The following KCTD8 variants were observed in gnomAD, a reference collection of about 807,000 sequenced individuals.
KCTD8 encodes BTB/POZ domain-containing protein KCTD8.
A neutral mutation model predicts 31.5 loss-of-function variants in KCTD8; 27 were observed. The observed-to-expected ratio is 0.86, with a 90% CI of 0.63 to 1.18. The LOEUF is 1.18. Among genes scored for constraint, KCTD8 ranks in the 50% most tolerant of loss-of-function variants. KCTD8 has a pLI of 0.00. For synonymous variants in KCTD8, 290 were observed against 280.0 expected (o/e 1.04, Z -0.36); for missense variants, 658 against 647.7 (o/e 1.02, Z -0.17).
At chr4:44,346,515 C>T (rs1440777288) in intron 1 of KCTD8, among the ~76,000 whole-genome samples, 2 of 152,046 alleles carry the variant, frequency 1.3e-5, no homozygotes, top group African/African-American at 2.4e-5. Context: ...TACAACTATA[C>T]CACATGGTTA....
At chr4:44,229,454 T>A (rs1200037944) in intron 1 of KCTD8, among the ~76,000 whole-genome samples, 1 of 152,168 alleles carries the variant, frequency 6.6e-6, no homozygotes, top group Admixed American at 6.5e-5. Context: ...AAGCCTCAGA[T>A]GGGCATGGGT....
chr4:44,375,821 TCTTTA>T (rs747619016), intron 1 of KCTD8, among the ~76,000 whole-genome samples: 5 of 152,092 alleles, frequency 3.3e-5, no homozygotes, highest in Admixed American at 6.6e-5. Context: ...TGTTTGCCTG[TCTTTA>T]CTTTAAGGGA....
At chr4:44,350,477 G>T (rs1411337871) in intron 1 of KCTD8, among the ~76,000 whole-genome samples, 2 of 152,132 alleles carry the variant, frequency 1.3e-5, no homozygotes. Context: ...CAAAGTCAGT[G>T]TATATATTTG....
chr4:44,192,712 G>C (rs758663229), intron 1 of KCTD8, among the ~76,000 whole-genome samples: 2 of 152,158 alleles, frequency 1.3e-5, no homozygotes, highest in Non-Finnish European at 2.9e-5. Flanking sequence ...GGGTGTGTCT[G>C]TGAGGGTGTT....
chr4:44,267,103 A>G (rs1471826567), intron 1 of KCTD8, among the ~76,000 whole-genome samples: 1 of 152,086 alleles, frequency 6.6e-6, no homozygotes, highest in Admixed American at 6.5e-5. Context: ...TTTTTTCAGC[A>G]CCACACCACA....
intron 1 of KCTD8, among the ~76,000 whole-genome samples, chr4:44,412,662 C>G (rs1052268972): frequency 2.6e-5 from 4 of 152,204 alleles, no homozygotes; most frequent in East Asian, 3.9e-4. Flanking sequence ...TTATTTGTGA[C>G]AGACTTGATA....
At chr4:44,308,925 T>G (rs961459969) in intron 1 of KCTD8, among the ~76,000 whole-genome samples, 5 of 152,146 alleles carry the variant, frequency 3.3e-5, no homozygotes, top group African/African-American at 1.2e-4. Context: ...ATGATGATAT[T>G]GATACACAGC....
intron 1 of KCTD8, among the ~76,000 whole-genome samples, chr4:44,355,733 G>C (rs996803769): frequency 6.6e-6 from 1 of 151,952 alleles, no homozygotes; most frequent in Admixed American, 6.5e-5. Flanking sequence ...AAAATTATTT[G>C]GTCTCTATAT....
chr4:44,306,826 G>A (rs1177673410), intron 1 of KCTD8, among the ~76,000 whole-genome samples: 1 of 151,900 alleles, frequency 6.6e-6, no homozygotes, highest in Non-Finnish European at 1.5e-5. Context: ...GATTTTAATA[G>A]GCAACTAGTT....
chr4:44,302,198 C>T lies in KCTD8; in HGVS notation c.962-126948G>A, dbSNP rs150215844. Among the ~76,000 whole-genome samples the T allele has an allele frequency of 1.6e-3, 249 of 152,174 alleles. 5 individuals are homozygous for T. The East Asian group carries it at 0.037, about 22-fold the overall frequency. ...TTGGCTTAGGATTGACTTGGGATTG[C>T]GGGCTCTTTTTTGATTCCATATGAA... On this transcript the variant is annotated intron_variant, in intron 1 of 1. Transcript: ENST00000360029.
At chr4:44,243,260 G>T (rs1254601921) in intron 1 of KCTD8, among the ~76,000 whole-genome samples, 1 of 152,080 alleles carries the variant, frequency 6.6e-6, no homozygotes, top group Non-Finnish European at 1.5e-5. Flanking sequence ...TTTTGTTGTT[G>T]TTATTAAATT....
chr4:44,209,682 T>C (rs1295176129), intron 1 of KCTD8, among the ~76,000 whole-genome samples: 1 of 152,192 alleles, frequency 6.6e-6, no homozygotes, highest in African/African-American at 2.4e-5. Context: ...ATTCCTTATA[T>C]ACATTTCTAT....
At chr4:44,301,413 C>A (rs1393341655) in intron 1 of KCTD8, among the ~76,000 whole-genome samples, 3 of 152,212 alleles carry the variant, frequency 2.0e-5, no homozygotes, top group Non-Finnish European at 2.9e-5. Flanking sequence ...GCCATTCTAA[C>A]TGGCGTGAGA....
intron 1 of KCTD8, among the ~76,000 whole-genome samples, chr4:44,273,903 A>C (rs989469309): frequency 2.6e-5 from 4 of 152,022 alleles, no homozygotes; most frequent in East Asian, 1.9e-4. Context: ...TCCACACTCA[A>C]GTCTGAGGAC....
At chr4:44,423,937 C>T (rs1721283864) in intron 1 of KCTD8, among the ~76,000 whole-genome samples, 1 of 152,048 alleles carries the variant, frequency 6.6e-6, no homozygotes. Context: ...ACAGCTTACA[C>T]ATTTTCAGGT....
At chr4:44,323,033 C>T (rs1456842494) in intron 1 of KCTD8, among the ~76,000 whole-genome samples, 5 of 151,952 alleles carry the variant, frequency 3.3e-5, no homozygotes, top group African/African-American at 1.2e-4. Flanking sequence ...CCTCCAGCTT[C>T]GTTCTTTTTG....
intron 1 of KCTD8, among the ~76,000 whole-genome samples, chr4:44,235,987 G>A (rs994673641): frequency 6.6e-6 from 1 of 152,080 alleles, no homozygotes; most frequent in African/African-American, 2.4e-5. Context: ...AAGAGATGAT[G>A]AAACACTACA....
intron 1 of KCTD8, among the ~76,000 whole-genome samples, chr4:44,258,826 T>C (rs900394575): frequency 7.9e-5 from 12 of 151,940 alleles, no homozygotes; most frequent in African/African-American, 1.7e-4. Flanking sequence ...GCTTGGATTG[T>C]AATAAAAAAC....
chr4:44,348,332 G>A (rs1032714974), intron 1 of KCTD8, among the ~76,000 whole-genome samples: 3 of 152,026 alleles, frequency 2.0e-5, no homozygotes, highest in African/African-American at 7.2e-5. Context: ...ATGTAACATC[G>A]ATCTGAAAGT....
Sources: gnomAD v4.1 joint callset for allele counts (sites outside exome capture counted in the v4.1 genomes callset) on GRCh38, gnomAD v4.1.1 for gene constraint, MANE v1.5 for transcripts, NCBI Gene and HGNC (gene_info 2026-07-23, HGNC 2026-07-21) for gene names.